The following RAB3IL1 variants were observed in gnomAD, a reference collection of about 807,000 sequenced individuals.
The protein encoded by RAB3IL1 is guanine nucleotide exchange factor for Rab-3A.
Under a neutral mutation model 49.2 loss-of-function variants are expected in RAB3IL1, and 37 were observed. The observed-to-expected ratio is 0.75, with a 90% CI of 0.58 to 0.99. The LOEUF (loss-of-function observed/expected upper bound fraction) is 0.99. Ranked by LOEUF, RAB3IL1 falls within the 50% of genes least tolerant of loss-of-function variation. The probability of loss-of-function intolerance (pLI) is 0.00; values close to 1 mark genes in which losing one functional copy is unlikely to be tolerated. For synonymous variants in RAB3IL1, 193 were observed against 213.9 expected (o/e 0.90, Z 0.85); for missense variants, 484 against 513.0 (o/e 0.94, Z 0.55).
intron 1 of RAB3IL1, 95 bp from the exon 2 acceptor site, chr11:61,908,401 C>T: frequency 1.6e-6 from 2 of 1,270,352 alleles, no homozygotes; most frequent in Non-Finnish European, 1.0e-6. Context: ...GTGCCTGCCA[C>T]TTGAGCCTCA....
In RAB3IL1 at chr11:61,906,554, G is replaced by T; in HGVS notation, c.569C>A (p.Ser190Tyr). The T allele has an allele frequency of 6.3e-7, 1 of 1,586,224 alleles. No homozygotes were observed. The highest frequency in any genetic ancestry group is 8.6e-7 in the Non-Finnish European group (1 of 1,166,842). ...GGTGCTGCTGGTGCTCTTGTGGCGAGAGTGGCCCTTTCGGGGCCCGGCCTT... is the reference window on the plus strand; with the variant it reads ...GGTGCTGCTGGTGCTCTTGTGGCGATAGTGGCCCTTTCGGGGCCCGGCCTT... The part of the protein sequence containing the change: ...PTKAGPRKGH[S>Y]RHKSTSSTLC... Residue 190 changes from serine to tyrosine, a missense_variant, in exon 5 of 10, where the codon TCT becomes TAT. By Grantham distance (144) the Ser-to-Tyr change is moderately radical. Transcript: ENST00000394836. The surrounding 1 kb of genome is among the most constrained non-coding windows in gnomAD (Gnocchi z 4.6).
chr11:61,919,745 C>T (rs1439109569), upstream of RAB3IL1, among the ~76,000 whole-genome samples: 1 of 152,224 alleles, frequency 6.6e-6, no homozygotes, highest in Non-Finnish European at 1.5e-5. Flanking sequence ...CCATCCCAAG[C>T]CTGGCAGCCT....
chr11:61,909,237 G>A (rs1025298169), intron 1 of RAB3IL1, among the ~76,000 whole-genome samples: 3 of 152,280 alleles, frequency 2.0e-5, no homozygotes, highest in East Asian at 1.9e-4. Flanking sequence ...AGGGAAGTTG[G>A]GGGGAGGGGC....
intron 1 of RAB3IL1, 72 bp from the exon 2 acceptor site, chr11:61,908,378 GC>G (rs1458502155): frequency 6.0e-6 from 8 of 1,330,856 alleles, no homozygotes; most frequent in Non-Finnish European, 6.7e-6. Context: ...TCCAGAAACC[GC>G]CCCGGGGCAA....
At chr11:61,934,602 G>A in the RAB3IL1 span, among the ~76,000 whole-genome samples, 2 of 150,864 alleles carry the variant, frequency 1.3e-5, no homozygotes, top group African/African-American at 2.4e-5. Context: ...GGGAATAGAG[G>A]TGCACATGCG....
chr11:61,916,682 C>G (rs1215421442), intron 1 of RAB3IL1, among the ~76,000 whole-genome samples: 1 of 152,202 alleles, frequency 6.6e-6, no homozygotes, highest in Non-Finnish European at 1.5e-5. Flanking sequence ...CACAAAAACA[C>G]CACAACCTTT....
intron 1 of RAB3IL1, among the ~76,000 whole-genome samples, chr11:61,913,538 G>A (rs932992766): frequency 6.6e-6 from 1 of 152,182 alleles, no homozygotes; most frequent in Non-Finnish European, 1.5e-5. Context: ...GGCCAGTCCA[G>A]CCCACCCCTG....
chr11:61,943,455 AT>A, the RAB3IL1 span, among the ~76,000 whole-genome samples: 1 of 152,246 alleles, frequency 6.6e-6, no homozygotes, highest in Non-Finnish European at 1.5e-5. Flanking sequence ...CTAAATTAAA[AT>A]TTTAATGTTT....
upstream of RAB3IL1, chr11:61,920,124 A>G: frequency 7.4e-7 from 1 of 1,350,648 alleles, no homozygotes. Flanking sequence ...CAGTCCCTGC[A>G]CTCATGGCCA....
the RAB3IL1 span, among the ~76,000 whole-genome samples, chr11:61,934,871 C>T: frequency 6.6e-6 from 1 of 151,984 alleles, no homozygotes; most frequent in Non-Finnish European, 1.5e-5. Context: ...GAAACAAAGA[C>T]TTTAGTGGAT....
upstream of RAB3IL1, among the ~76,000 whole-genome samples, chr11:61,920,529 A>G (rs913725287): frequency 6.6e-6 from 1 of 152,220 alleles, no homozygotes. Flanking sequence ...GGTGTTGGAA[A>G]GAGCCCGTCC....
chr11:61,910,357 C>T (rs1020693980), intron 1 of RAB3IL1, among the ~76,000 whole-genome samples: 1 of 152,178 alleles, frequency 6.6e-6, no homozygotes, highest in South Asian at 2.1e-4. Flanking sequence ...TCAGACTCTG[C>T]GCAGGCCCAG....
chr11:61,908,026 G>T, intron 2 of RAB3IL1, 28 bp downstream of exon 2: 1 of 1,581,496 alleles, frequency 6.3e-7, no homozygotes, highest in Non-Finnish European at 8.6e-7. Context: ...CCCCACCGAA[G>T]ACCCCCCAGC....
In RAB3IL1 at chr11:61,906,783, T is replaced by C. The variant is rs766650838; in HGVS notation, c.439-99A>G. On this transcript the variant is annotated intron_variant, in intron 4 of 9. Coordinates refer to ENST00000394836, the MANE Select transcript of RAB3IL1 (RefSeq NM_013401.4). This position sits in a 1 kb window ranked among gnomAD's most constrained non-coding sequence, Gnocchi z 4.6. ...AACTCAGGACAATGCACCCCTGCAG[T>C]GACAGGCACTTAGTCCCACCCGACG... 31 of 1,143,446 alleles carry C rather than the reference T, an allele frequency of 2.7e-5. No individual in the cohort carries two copies. Among genetic ancestry groups the C allele is most frequent in the Non-Finnish European group, 3.8e-5 (30 of 786,464 alleles). The allele number at this position is 1,143,446 out of a possible 1,614,324, so 70.8% of individuals were successfully genotyped here.
chr11:61,909,708 G>A (rs890756146), intron 1 of RAB3IL1, among the ~76,000 whole-genome samples: 2 of 152,244 alleles, frequency 1.3e-5, no homozygotes, highest in Non-Finnish European at 2.9e-5. Context: ...AGGGTTCCCC[G>A]CAGCCTGAGA....
At chr11:61,929,203 A>G in the RAB3IL1 span, among the ~76,000 whole-genome samples, 78,642 of 151,920 alleles carry the variant, frequency 0.52, 21,360 homozygotes, top group East Asian at 0.87. Flanking sequence ...ATTTTGACAT[A>G]TATGATAAGT....
At chr11:61,940,320 A>C in the RAB3IL1 span, among the ~76,000 whole-genome samples, 14 of 152,116 alleles carry the variant, frequency 9.2e-5, no homozygotes, top group Non-Finnish European at 1.5e-5. Context: ...GCATGCCTGT[A>C]AACCCAGCTA....
intron 8 of RAB3IL1, among the ~76,000 whole-genome samples, chr11:61,901,990 C>T (rs372932880): frequency 6.6e-6 from 1 of 152,192 alleles, no homozygotes; most frequent in Non-Finnish European, 1.5e-5. Context: ...TCAGTCTCTG[C>T]GCCTCTCTGA....
chr11:61,907,379 G>T lies in RAB3IL1; in HGVS notation c.438+14C>A, dbSNP rs760487041. 12 of 1,612,382 alleles carry T rather than the reference G, an allele frequency of 7.4e-6. No individual in the cohort carries two copies. In the Admixed American group the frequency reaches 2.0e-4, roughly 27 times the overall value. ...GTGCCTGGGCTGGCCTGGGCAGGCG[G>T]GGATGGGCCTCACCTTGCCCCGAGC... On this transcript the variant is annotated intron_variant, in intron 4 of 9. Coordinates refer to ENST00000394836, the MANE Select transcript of RAB3IL1 (RefSeq NM_013401.4).
Sources: gnomAD v4.1 joint callset for allele counts (sites outside exome capture counted in the v4.1 genomes callset) on GRCh38, gnomAD v4.1.1 for gene constraint, Gnocchi (gnomAD v3.1) non-coding constraint, MANE v1.5 for transcripts, NCBI Gene and HGNC (gene_info 2026-07-23, HGNC 2026-07-21) for gene names.